The following MAP4K5 variants were observed in gnomAD, a reference collection of about 807,000 sequenced individuals.
MAP4K5 encodes mitogen-activated protein kinase kinase kinase kinase 5.
In MAP4K5, 82 loss-of-function variants were observed where a neutral mutation model predicts 135.6. That is an observed-to-expected ratio of 0.60 (90% CI 0.51 to 0.73). MAP4K5 has a LOEUF of 0.73. Among genes scored for constraint, MAP4K5 ranks in the 30% least tolerant of loss-of-function variants. MAP4K5 has a pLI of 0.00. For missense variants in MAP4K5, 907 were observed against 1,010.9 expected (o/e 0.90, Z 1.39); for synonymous variants, 347 against 335.0 (o/e 1.04, Z -0.39).
At chr14:50,475,326 T>C (rs2037071360) in intron 8 of MAP4K5, among the ~76,000 whole-genome samples, 177 bp from the exon 9 acceptor site, 1 of 152,150 alleles carries the variant, frequency 6.6e-6, no homozygotes, top group African/African-American at 2.4e-5. Context: ...TTAAAAAAAT[T>C]TACTGGCACT....
At chr14:50,481,166 A>G (rs994639575) in intron 6 of MAP4K5, among the ~76,000 whole-genome samples, 2 of 151,804 alleles carry the variant, frequency 1.3e-5, no homozygotes, top group Admixed American at 1.3e-4. Flanking sequence ...TTTGTCAATA[A>G]TTCTCTGCTA....
intron 1 of MAP4K5, among the ~76,000 whole-genome samples, chr14:50,544,552 C>T (rs1485159330): frequency 6.6e-6 from 1 of 152,186 alleles, no homozygotes; most frequent in African/African-American, 2.4e-5. Context: ...ACAGACATGA[C>T]TTATTCTGTC....
intron 2 of MAP4K5, among the ~76,000 whole-genome samples, chr14:50,518,473 T>C (rs1223239263): frequency 6.6e-6 from 1 of 152,132 alleles, no homozygotes; most frequent in Non-Finnish European, 1.5e-5. Context: ...AACTCCCACT[T>C]ATAAGCGAGA....
At chr14:50,475,852 A>G (rs925795616) in intron 8 of MAP4K5, among the ~76,000 whole-genome samples, 1 of 152,222 alleles carries the variant, frequency 6.6e-6, no homozygotes. Flanking sequence ...ACAGTTTAAC[A>G]GTTTTTCTAT....
In MAP4K5 at chr14:50,445,207, A is replaced by T; in HGVS notation, c.1186-13T>A. On this transcript the variant is annotated splice_polypyrimidine_tract_variant and intron_variant, in intron 17 of 32. Transcript: ENST00000682126. ...TGCTTATCCTTGGCTAGTGGTACAA[A>T]GACAAAAAAGTACTTTAACAGTTAT... The T allele has an allele frequency of 6.2e-7, 1 of 1,610,974 alleles. No homozygotes were observed. Among genetic ancestry groups the T allele is most frequent in the Non-Finnish European group, 8.5e-7 (1 of 1,178,422 alleles).
At chr14:50,464,441 C>G (rs953651478) in intron 11 of MAP4K5, among the ~76,000 whole-genome samples, 2 of 152,100 alleles carry the variant, frequency 1.3e-5, no homozygotes, top group African/African-American at 4.8e-5. Context: ...GTCCTTTTCT[C>G]ATTGCATAAT....
In MAP4K5 at chr14:50,468,549, C is replaced by T. The variant is rs974596299; in HGVS notation, c.674+102G>A. The T allele has an allele frequency of 5.8e-6, 7 of 1,208,718 alleles. No homozygotes were observed. In the African/African-American group the frequency reaches 1.1e-4, roughly 18 times the overall value. 74.9% of individuals were successfully genotyped at this position (1,208,718 alleles called of 1,614,324 possible). On this transcript the variant is annotated intron_variant, in intron 10 of 32. Coordinates refer to ENST00000682126, the MANE Select transcript of MAP4K5 (RefSeq NM_006575.6). Reference sequence around the variant, plus strand: ...TCCTAAATCCCTTACAATACCTTTACTATTTTTCATTCTTAAAAATGAGCT... The same window carrying T: ...TCCTAAATCCCTTACAATACCTTTATTATTTTTCATTCTTAAAAATGAGCT...
At chr14:50,466,022 C>A (rs977739381) in intron 11 of MAP4K5, among the ~76,000 whole-genome samples, 4 of 152,024 alleles carry the variant, frequency 2.6e-5, no homozygotes, top group African/African-American at 9.7e-5. Flanking sequence ...TGCATTGAGC[C>A]GAGATTGCGC....
At chr14:50,552,084 C>T (rs1419284285) in intron 1 of MAP4K5, among the ~76,000 whole-genome samples, 1 of 151,978 alleles carries the variant, frequency 6.6e-6, no homozygotes, top group Non-Finnish European at 1.5e-5. Context: ...TGCTGTTCGC[C>T]GATGATATGA....
At chr14:50,477,736 GGTTTTTCTTTTTTAGTTGTTAAGATGAA>G in intron 6 of MAP4K5, among the ~76,000 whole-genome samples, 1 of 152,022 alleles carries the variant, frequency 6.6e-6, no homozygotes, top group East Asian at 1.9e-4. Context: ...ATGATAATGT[GGTTTTTCTTTTTTAGTTGTTAAGATGAA>G]ATGATTTTTG....
intron 17 of MAP4K5, among the ~76,000 whole-genome samples, chr14:50,445,705 G>A (rs1049249511): frequency 6.6e-6 from 1 of 152,126 alleles, no homozygotes. Context: ...AAGTAGCTGG[G>A]ATTACAAGCA....
intron 14 of MAP4K5, among the ~76,000 whole-genome samples, chr14:50,452,076 T>A (rs900714413): frequency 6.6e-6 from 1 of 152,198 alleles, no homozygotes; most frequent in Non-Finnish European, 1.5e-5. Flanking sequence ...CAGCTCCCAG[T>A]CAGCTACCCT....
chr14:50,448,714 C>CA (rs59198763), intron 15 of MAP4K5, 60 bp downstream of exon 15: 417 of 993,368 alleles, frequency 4.2e-4, no homozygotes, highest in Non-Finnish European at 4.8e-4. Context: ...GTACAACTAA[C>CA]AAAAAAAAAG....
At chr14:50,514,899 T>C (rs1338441703) in intron 2 of MAP4K5, among the ~76,000 whole-genome samples, 3 of 100,404 alleles carry the variant, frequency 3.0e-5, no homozygotes, top group Non-Finnish European at 5.6e-5. Flanking sequence ...TTCTTGGTCA[T>C]CCTTATTCTT....
chr14:50,539,789 A>G (rs1228404059), intron 2 of MAP4K5, among the ~76,000 whole-genome samples: 2 of 152,256 alleles, frequency 1.3e-5, no homozygotes, highest in Non-Finnish European at 2.9e-5. Context: ...TGACTTGAGC[A>G]TCTGGAAGTC....
intron 23 of MAP4K5, among the ~76,000 whole-genome samples, chr14:50,439,793 T>C (rs1474564874): frequency 6.6e-6 from 1 of 152,098 alleles, no homozygotes; most frequent in Admixed American, 6.6e-5. Context: ...TTCAGGTGTT[T>C]AGATGCTGGG....
At position 50,440,029 on chromosome 14, in the gene MAP4K5, A is replaced by G. The variant is rs1356144478; in HGVS notation, c.1689T>C (p.Thr563=). Residue 563 remains threonine (T), a synonymous_variant, in exon 23 of 33, where the codon ACT becomes ACC. Coordinates refer to ENST00000682126, the MANE Select transcript of MAP4K5 (RefSeq NM_006575.6). ...CATACATACCTGATAATGACATTAAAGTATTATTGATAACATACAGCCAAG... is the reference window on the plus strand; with the variant it reads ...CATACATACCTGATAATGACATTAAGGTATTATTGATAACATACAGCCAAG... ...KCTWLYVINN[T]LMSLSEGKTF... is the part of the protein sequence containing the mutation. 1.9e-5 allele frequency: 29 copies of G among 1,553,650 alleles called. No individual in the cohort carries two copies. Among genetic ancestry groups the G allele is most frequent in the African/African-American group, 2.7e-5 (2 of 72,754 alleles).
At chr14:50,466,034 A>AC (rs1227919869) in intron 11 of MAP4K5, among the ~76,000 whole-genome samples, 1 of 152,100 alleles carries the variant, frequency 6.6e-6, no homozygotes, top group Non-Finnish European at 1.5e-5. Flanking sequence ...AGATTGCGCC[A>AC]CTGTACTACA....
intron 5 of MAP4K5, chr14:50,482,645 T>C (rs2037272371): frequency 2.9e-6 from 1 of 346,056 alleles, no homozygotes; most frequent in South Asian, 3.3e-5. Context: ...GGCATGGTGG[T>C]GCGCACCTGT....
Sources: gnomAD v4.1 joint callset for allele counts (sites outside exome capture counted in the v4.1 genomes callset) on GRCh38, gnomAD v4.1.1 for gene constraint, MANE v1.5 for transcripts, NCBI Gene and HGNC (gene_info 2026-07-23, HGNC 2026-07-21) for gene names.